FMNL2: variants seen among roughly 807,000 people sequenced by gnomAD.
FMNL2 encodes formin like 2.
In FMNL2, 51 loss-of-function variants were observed where a neutral mutation model predicts 130.2. The observed-to-expected ratio is 0.39, with a 90% CI of 0.31 to 0.49. FMNL2 has a LOEUF of 0.49. Ranked by LOEUF, FMNL2 falls within the 20% of genes least tolerant of loss-of-function variation. The probability of loss-of-function intolerance (pLI) is 0.85; values close to 1 mark genes in which losing one functional copy is unlikely to be tolerated. For synonymous variants in FMNL2, 465 were observed against 467.1 expected (o/e 1.00, Z 0.06); for missense variants, 977 against 1,316.2 (o/e 0.74, Z 3.99).
intron 9 of FMNL2, among the ~76,000 whole-genome samples, chr2:152,596,647 A>G (rs986019245): frequency 1.3e-5 from 2 of 152,216 alleles, no homozygotes; most frequent in Non-Finnish European, 2.9e-5. Flanking sequence ...CAGGCCAGGC[A>G]TGGTGGCTCA....
At chr2:152,446,469 G>T (rs1010468414) in intron 1 of FMNL2, among the ~76,000 whole-genome samples, 5 of 152,058 alleles carry the variant, frequency 3.3e-5, no homozygotes, top group Non-Finnish European at 1.5e-5. Context: ...ATACATGGAG[G>T]TGCAGTATAC....
rs61078878 is a variant in FMNL2 at position 152,356,739 on chromosome 2, C to CTT, written c.117+21030_117+21031dup. ...GTGCCACACTTTTTGCACTTTTGTG[C>CTT]TTTTTTTTTTTTGGTGATTTTGCTA... is the stretch of plus-strand genomic sequence containing the variant. On this transcript the variant is annotated intron_variant, in intron 1 of 25. Transcript: ENST00000288670. Among the ~76,000 whole-genome samples, 206 of 145,872 alleles carry CTT rather than the reference C, an allele frequency of 1.4e-3. 2 individuals are homozygous for CTT. Among genetic ancestry groups the CTT allele is most frequent in the Middle Eastern group, 0.011 (3 of 278 alleles).
intron 1 of FMNL2, among the ~76,000 whole-genome samples, chr2:152,344,015 G>T (rs1343940240): frequency 1.3e-5 from 2 of 152,128 alleles, no homozygotes; most frequent in Non-Finnish European, 2.9e-5. Flanking sequence ...AGCAGATGTG[G>T]TGGTGCATGC....
intron 9 of FMNL2, among the ~76,000 whole-genome samples, chr2:152,600,731 C>T (rs1369935464): frequency 1.4e-5 from 2 of 147,718 alleles, no homozygotes; most frequent in African/African-American, 2.5e-5. Context: ...ATAGTTGGAG[C>T]TTTTTTTTTT....
At chr2:152,459,333 A>G (rs982249342) in intron 1 of FMNL2, among the ~76,000 whole-genome samples, 1 of 152,208 alleles carries the variant, frequency 6.6e-6, no homozygotes, top group African/African-American at 2.4e-5. Context: ...TGAATATGCC[A>G]TGATTTTGAT....
intron 1 of FMNL2, among the ~76,000 whole-genome samples, chr2:152,439,079 T>TTGTGTGTGTG (rs10539703): frequency 0.016 from 2,353 of 144,550 alleles, 50 homozygotes; most frequent in East Asian, 0.049. Context: ...TTCAGTTTAA[T>TTGTGTGTGTG]TGTGTGTGTG....
rs546508194 is a variant in FMNL2 at position 152,583,020 on chromosome 2, G to A, written c.876+1971G>A. Among the ~76,000 whole-genome samples the A allele has an allele frequency of 1.1e-4, 17 of 152,170 alleles. No homozygotes were observed. The South Asian group carries it at 3.5e-3, about 32-fold the overall frequency. ...TAGAGTACCTTTCTTATGCATAGTAGGCCCACAGATACTTGCAGAATTGAG... is the reference window on the plus strand; with the variant it reads ...TAGAGTACCTTTCTTATGCATAGTAAGCCCACAGATACTTGCAGAATTGAG... On this transcript the variant is annotated intron_variant, in intron 9 of 25. Coordinates refer to ENST00000288670, the MANE Select transcript of FMNL2 (RefSeq NM_052905.4).
intron 1 of FMNL2, among the ~76,000 whole-genome samples, chr2:152,398,633 C>T (rs1685524959): frequency 6.6e-6 from 1 of 152,164 alleles, no homozygotes; most frequent in South Asian, 2.1e-4. Context: ...CATGCACAGG[C>T]ACTGTTTTAA....
At position 152,507,081 on chromosome 2, in the gene FMNL2, C is replaced by T. The variant is rs13430837; in HGVS notation, c.118-14862C>T. The stretch of plus-strand genomic sequence containing the variant: ...GACTCAGGGTAGAAACTTGAACCAC[C>T]TCAGGCTAGTGGCTTGTGCGGTCTC... On this transcript the variant is annotated intron_variant, in intron 1 of 25. Transcript: ENST00000288670. Among the ~76,000 whole-genome samples the T allele has an allele frequency of 1.9e-3, 289 of 152,328 alleles. 3 individuals carry two copies. The highest frequency in any genetic ancestry group is 6.3e-3 in the African/African-American group (261 of 41,572).
chr2:152,643,461 G>A (rs1410825839), intron 25 of FMNL2: 2 of 1,536,012 alleles, frequency 1.3e-6, no homozygotes, highest in Non-Finnish European at 1.7e-6. Flanking sequence ...GCCAAGCGTG[G>A]CTCTCGGTTT....
At position 152,460,603 on chromosome 2, in the gene FMNL2, G is replaced by T. The variant is rs141937524; in HGVS notation, c.118-61340G>T. ...CCACGGACCTGTTAGGAACCAGGCCGCACAAGGGGCAAGTGAGCAAAGCTT... is the reference window on the plus strand; with the variant it reads ...CCACGGACCTGTTAGGAACCAGGCCTCACAAGGGGCAAGTGAGCAAAGCTT... On this transcript the variant is annotated intron_variant, in intron 1 of 25. Transcript: ENST00000288670. 6.6e-5 allele frequency among the ~76,000 whole-genome samples: 10 copies of T among 152,322 alleles called. No individual in the cohort carries two copies. In the East Asian group the frequency reaches 1.9e-3, roughly 29 times the overall value.
chr2:152,506,877 C>T (rs1216650789), intron 1 of FMNL2, among the ~76,000 whole-genome samples: 1 of 152,152 alleles, frequency 6.6e-6, no homozygotes, highest in East Asian at 1.9e-4. Context: ...AGCATAATTA[C>T]TTATCAATAT....
Position 152,401,338 on chromosome 2 carries a change from C to T in FMNL2, c.117+65618C>T, listed in dbSNP as rs187261949. ...CCTAATAAAGGTCCCTAAAAGTTCACGTTGGACATCTCACCCCTCCAAATG... is the reference window on the plus strand; with the variant it reads ...CCTAATAAAGGTCCCTAAAAGTTCATGTTGGACATCTCACCCCTCCAAATG... On this transcript the variant is annotated intron_variant, in intron 1 of 25. Coordinates refer to ENST00000288670, the MANE Select transcript of FMNL2 (RefSeq NM_052905.4). 2.2e-4 allele frequency among the ~76,000 whole-genome samples: 33 copies of T among 152,344 alleles called. No homozygotes were observed. In the East Asian group the frequency reaches 6.0e-3, roughly 28 times the overall value.
intron 1 of FMNL2, among the ~76,000 whole-genome samples, chr2:152,413,717 T>C (rs558099455): frequency 1.3e-5 from 2 of 152,324 alleles, no homozygotes; most frequent in East Asian, 3.9e-4. Context: ...ACAAGGGCTT[T>C]CTAAATAAAG....
intron 1 of FMNL2, among the ~76,000 whole-genome samples, chr2:152,511,354 AG>A (rs1446413330): frequency 3.9e-5 from 6 of 152,188 alleles, no homozygotes; most frequent in Non-Finnish European, 8.8e-5. Context: ...TTAATATGTA[AG>A]GAAAATTCAC....
intron 2 of FMNL2, among the ~76,000 whole-genome samples, chr2:152,539,929 G>T (rs1235627935): frequency 1.3e-5 from 2 of 152,044 alleles, no homozygotes; most frequent in Non-Finnish European, 1.5e-5. Context: ...GTGAGACCTT[G>T]TCTTTAGAAA....
At position 152,607,454 on chromosome 2, in the gene FMNL2, A is replaced by G. The variant is rs1356740217; in HGVS notation, c.951+41A>G. 3 of 1,429,994 alleles carry G rather than the reference A, an allele frequency of 2.1e-6. No individual in the cohort carries two copies. The East Asian group carries it at 7.0e-5, about 33-fold the overall frequency. The allele number at this position is 1,429,994 out of a possible 1,614,324, so 88.6% of individuals were successfully genotyped here. A position where few individuals can be genotyped will look rare whatever the true frequency, so the allele number is the denominator to read the frequency against. ...ATTCAATAAAGCAAACTCAGTTTCA[A>G]TACTTTTTTTCTAAATACACACACA... On this transcript the variant is annotated intron_variant, in intron 10 of 25. Coordinates refer to ENST00000288670, the MANE Select transcript of FMNL2 (RefSeq NM_052905.4).
chr2:152,642,322 C>T (rs1683165007), intron 25 of FMNL2, among the ~76,000 whole-genome samples: 1 of 152,156 alleles, frequency 6.6e-6, no homozygotes, highest in Admixed American at 6.5e-5. Context: ...TTCTCAACAG[C>T]TCAAACCCAG....
chr2:152,595,830 T>C (rs1697737773), intron 9 of FMNL2, among the ~76,000 whole-genome samples: 1 of 147,196 alleles, frequency 6.8e-6, no homozygotes, highest in African/African-American at 2.6e-5. Context: ...TCTAGCCTTA[T>C]AATGAGTCTA....
Sources: allele counts gnomAD v4.1 joint callset (sites outside exome capture counted in the v4.1 genomes callset), GRCh38; gene constraint gnomAD v4.1.1; transcripts MANE v1.5; gene names NCBI Gene and HGNC (gene_info 2026-07-23, HGNC 2026-07-21).